Variants in ANO10 observed in about 807,000 individuals in gnomAD.
ANO10 encodes anoctamin 10, also known as anoctamin-10.
A neutral mutation model predicts 74.7 loss-of-function variants in ANO10; 77 were observed. The observed-to-expected ratio is 1.03, with a 90% CI of 0.86 to 1.25. ANO10 has a LOEUF of 1.25. ANO10 is among the 50% of genes most tolerant of loss of function. ANO10 has a pLI of 0.00. For missense variants in ANO10, 721 were observed against 778.1 expected (o/e 0.93, Z 0.87); for synonymous variants, 279 against 284.9 (o/e 0.98, Z 0.21).
chr3:43,403,663 A>G (rs1050763771), intron 12 of ANO10, among the ~76,000 whole-genome samples: 48 of 152,336 alleles, frequency 3.2e-4, no homozygotes, highest in African/African-American at 1.1e-3. Context: ...CCTTATTCCA[A>G]ATTCAAGACA....
chr3:43,444,918 T>C (rs944796629), intron 11 of ANO10, among the ~76,000 whole-genome samples: 5 of 151,952 alleles, frequency 3.3e-5, no homozygotes, highest in African/African-American at 1.2e-4. Flanking sequence ...GGTCAGGAGA[T>C]CGAGACCATC....
At chr3:43,636,327 G>A (rs1035138831) in intron 1 of ANO10, 1 of 152,268 alleles carries the variant, frequency 6.6e-6, no homozygotes, top group African/African-American at 2.4e-5. Flanking sequence ...CACTTCTGGT[G>A]GCCATTTCTG....
At chr3:43,543,255 T>A (rs1205346653) in intron 11 of ANO10, among the ~76,000 whole-genome samples, 1 of 152,244 alleles carries the variant, frequency 6.6e-6, no homozygotes, top group Non-Finnish European at 1.5e-5. Flanking sequence ...ATCTGTATAA[T>A]GCTTGCAACT....
chr3:43,680,420 T>C (rs2084179823), intron 1 of ANO10, among the ~76,000 whole-genome samples: 1 of 152,064 alleles, frequency 6.6e-6, no homozygotes, highest in African/African-American at 2.4e-5. Context: ...CTCCAAGAAA[T>C]ATGGGACTAT....
intron 12 of ANO10, among the ~76,000 whole-genome samples, chr3:43,384,319 G>T (rs1276134549): frequency 1.3e-5 from 2 of 152,050 alleles, no homozygotes; most frequent in Non-Finnish European, 2.9e-5. Flanking sequence ...CTCATGGATG[G>T]GTAGAATCAA....
At chr3:43,622,786 A>G (rs1331133289), upstream of ANO10, among the ~76,000 whole-genome samples, 2 of 151,802 alleles carry the variant, frequency 1.3e-5, no homozygotes, top group South Asian at 2.1e-4. Flanking sequence ...ATCCTACTTA[A>G]TACCTGTTCT....
At chr3:43,626,416 A>G (rs532429209), upstream of ANO10, among the ~76,000 whole-genome samples, 2 of 151,052 alleles carry the variant, frequency 1.3e-5, no homozygotes, top group African/African-American at 4.9e-5. Context: ...TGCATGCCTC[A>G]GCCTCCCGAG....
At chr3:43,584,958 C>T (rs2149429165) in intron 4 of ANO10, among the ~76,000 whole-genome samples, 1 of 152,230 alleles carries the variant, frequency 6.6e-6, no homozygotes, top group East Asian at 1.9e-4. Flanking sequence ...AAAGAGACTG[C>T]CCAGGGGAGC....
chr3:43,571,825 T>G (rs562247123), intron 7 of ANO10, among the ~76,000 whole-genome samples: 2 of 127,902 alleles, frequency 1.6e-5, no homozygotes, highest in Non-Finnish European at 3.3e-5. Flanking sequence ...CCCTAAAACT[T>G]AAAGTATAAA....
chr3:43,551,890 C>G (rs2079479598), intron 10 of ANO10, among the ~76,000 whole-genome samples: 1 of 152,190 alleles, frequency 6.6e-6, no homozygotes, highest in Non-Finnish European at 1.5e-5. Context: ...CTCCCAATCT[C>G]TGTCTTTAAT....
At chr3:43,461,656 C>T (rs1005561635) in intron 11 of ANO10, among the ~76,000 whole-genome samples, 7 of 152,202 alleles carry the variant, frequency 4.6e-5, no homozygotes, top group Non-Finnish European at 7.3e-5. Context: ...TCATGTAAGA[C>T]GTGACTTGCT....
At chr3:43,475,110 A>G (rs2076015511) in intron 11 of ANO10, among the ~76,000 whole-genome samples, 1 of 152,204 alleles carries the variant, frequency 6.6e-6, no homozygotes, top group Admixed American at 6.5e-5. Context: ...TGCCTTTATA[A>G]GCTTTTCACT....
rs2091403725 is a variant in ANO10, at chr3:43,366,073, G to A, written c.*833C>T. On this transcript the variant is annotated 3_prime_UTR_variant, in exon 13 of 13. Transcript: ENST00000292246. ...CTTTTCTCTGCAAGCCCAAGCCCAG[G>A]CCAGGGCACCAGGAGTGGCTGCTGG... The A allele has an allele frequency of 6.5e-6, 1 of 152,782 alleles. No homozygotes were observed. The highest frequency in any genetic ancestry group is 6.5e-5 in the Admixed American group (1 of 15,306). 9.5% of individuals were successfully genotyped at this position (152,782 alleles called of 1,614,324 possible).
chr3:43,538,751 C>G (rs6795944), intron 11 of ANO10, among the ~76,000 whole-genome samples: 1 of 151,992 alleles, frequency 6.6e-6, no homozygotes, highest in Admixed American at 6.6e-5. Flanking sequence ...GGATGGAGAA[C>G]GGCCTGCTGT....
chr3:43,584,371 G>T (rs1387226011), intron 4 of ANO10, among the ~76,000 whole-genome samples: 1 of 152,162 alleles, frequency 6.6e-6, no homozygotes, highest in African/African-American at 2.4e-5. Flanking sequence ...CCATAATGTG[G>T]CTTTAATAGA....
intron 1 of ANO10, among the ~76,000 whole-genome samples, chr3:43,686,894 T>TA (rs1024511618): frequency 1.3e-5 from 2 of 152,024 alleles, no homozygotes; most frequent in Non-Finnish European, 2.9e-5. Context: ...TAGTTAGAAA[T>TA]AGAGATCTCA....
chr3:43,470,419 T>A lies in ANO10; in HGVS notation c.1798-37692A>T, dbSNP rs375867818. ...CCCAGGCTGGAGTGCAGTGGCGCAC[T>A]CTTGGCTCACTGCAAGCTCCGCCTC... On this transcript the variant is annotated intron_variant, in intron 11 of 12. Coordinates refer to ENST00000292246, the MANE Select transcript of ANO10 (RefSeq NM_018075.5). Among the ~76,000 whole-genome samples the A allele has an allele frequency of 3.3e-5, 5 of 152,262 alleles. No individual in the cohort carries two copies. In the East Asian group the frequency reaches 7.7e-4, roughly 24 times the overall value.
intron 11 of ANO10, among the ~76,000 whole-genome samples, chr3:43,476,993 T>C (rs1399490695): frequency 6.6e-6 from 1 of 152,198 alleles, no homozygotes; most frequent in Non-Finnish European, 1.5e-5. Context: ...AAAATTTCTT[T>C]TATTTGAGAA....
chr3:43,515,649 T>C (rs2077678824), intron 11 of ANO10, among the ~76,000 whole-genome samples: 3 of 152,132 alleles, frequency 2.0e-5, no homozygotes, highest in Non-Finnish European at 4.4e-5. Context: ...AAATTACCAA[T>C]ATCAAGAATA....
Sources: allele counts gnomAD v4.1 joint callset (sites outside exome capture counted in the v4.1 genomes callset), GRCh38; gene constraint gnomAD v4.1.1; transcripts MANE v1.5; gene names NCBI Gene and HGNC (gene_info 2026-07-23, HGNC 2026-07-21).